TUT4: variants seen among roughly 807,000 people sequenced by gnomAD.
TUT4 encodes the protein terminal uridylyl transferase 4.
A neutral mutation model predicts 192.2 loss-of-function variants in TUT4; 36 were observed. That is an observed-to-expected ratio of 0.19 (90% CI 0.14 to 0.25). The LOEUF is 0.25. Among genes scored for constraint, TUT4 ranks in the 10% least tolerant of loss-of-function variants. The pLI, the probability that TUT4 is intolerant of heterozygous loss-of-function variation, is 1.00. For missense variants in TUT4, 1,493 were observed against 1,957.2 expected, an observed-to-expected ratio of 0.76 and a Z score of 4.47; for synonymous variants, 618 against 666.0, an observed-to-expected ratio of 0.93 and a Z score of 1.11.
At chr1:52,476,822 A>G (rs564575453) in intron 12 of TUT4, among the ~76,000 whole-genome samples, 1 of 152,328 alleles carries the variant, frequency 6.6e-6, no homozygotes, top group South Asian at 2.1e-4. Context: ...AGGGAATGGA[A>G]TAATATGTAG....
rs1233532461 is a variant in TUT4, at chr1:52,427,646, TA to T, written c.4712-2140del. ...TATCCTCTGATCTTAGAAATCTAAT[TA>T]AGTTACCATATTCTGGCATTTTTGC... On this transcript the variant is annotated intron_variant, in intron 28 of 29. Coordinates refer to ENST00000257177, the MANE Select transcript of TUT4 (RefSeq NM_001009881.3). 4.6e-5 allele frequency among the ~76,000 whole-genome samples: 7 copies of T among 152,342 alleles called. No individual in the cohort carries two copies. The East Asian group carries it at 1.2e-3, about 25-fold the overall frequency.
At chr1:52,502,980 T>C (rs891593764) in intron 4 of TUT4, among the ~76,000 whole-genome samples, 1 of 152,152 alleles carries the variant, frequency 6.6e-6, no homozygotes, top group Non-Finnish European at 1.5e-5. Context: ...ATTTATTGAG[T>C]ACCCACTATG....
rs1669942511 is a variant in TUT4 at position 52,486,951 on chromosome 1, C to A, written c.1515+1958G>T. ...AGAACAATGTCTGGGAGAAAACTGA[C>A]ATGACTTTATGACCACAAAAAAAAT... On this transcript the variant is annotated intron_variant, in intron 9 of 29. Transcript: ENST00000257177. Among the ~76,000 whole-genome samples, 4 of 152,292 alleles carry A rather than the reference C, an allele frequency of 2.6e-5. No homozygotes were observed. In the South Asian group the frequency reaches 8.3e-4, roughly 32 times the overall value.
intron 16 of TUT4, chr1:52,462,935 G>C: frequency 1.0e-6 from 1 of 985,290 alleles, no homozygotes; most frequent in Middle Eastern, 5.2e-4. Context: ...TTTCCAACAT[G>C]TTCTTTTTAG....
Position 52,525,756 on chromosome 1 carries a change from T to C in TUT4, c.525A>G (p.Thr175=). 6.2e-7 allele frequency: 1 copy of C among 1,614,230 alleles called. No individual in the cohort carries two copies. Among genetic ancestry groups the C allele is most frequent in the Middle Eastern group, 1.6e-4 (1 of 6,062 alleles). The change falls in exon 2 of 30, where the codon ACA becomes ACG. Residue 175 remains threonine (T), a synonymous_variant. Coordinates refer to ENST00000257177, the MANE Select transcript of TUT4 (RefSeq NM_001009881.3). The part of the protein sequence containing the change: ...SLLLKDMRQK[T]ELQQIGKKIP... The stretch of plus-strand genomic sequence containing the variant: ...TTTTTTTTCCAATCTGTTGTAATTC[T>C]GTCTTCTGTCTCATGTCTTTCAACA...
intron 4 of TUT4, among the ~76,000 whole-genome samples, chr1:52,497,786 GCTACA>G (rs1419177184): frequency 2.0e-5 from 3 of 152,066 alleles, no homozygotes; most frequent in African/African-American, 7.2e-5. Flanking sequence ...AATTACAAAA[GCTACA>G]TAAAACACAG....
intron 19 of TUT4, among the ~76,000 whole-genome samples, chr1:52,459,154 C>T (rs182686941): frequency 0.011 from 1,602 of 152,030 alleles, 21 homozygotes; most frequent in African/African-American, 0.036. Context: ...GGTGTGGTGG[C>T]GGGCGCCTGT....
At chr1:52,510,831 A>G (rs1210699781) in intron 3 of TUT4, among the ~76,000 whole-genome samples, 2 of 152,242 alleles carry the variant, frequency 1.3e-5, no homozygotes, top group Non-Finnish European at 2.9e-5. Context: ...AGCAAGTATT[A>G]AGTGGAAGAC....
At chr1:52,527,068 T>C (rs1385777184) in intron 1 of TUT4, among the ~76,000 whole-genome samples, 1 of 152,064 alleles carries the variant, frequency 6.6e-6, no homozygotes, top group Non-Finnish European at 1.5e-5. Context: ...TATAAATGAA[T>C]CCGTTTATGG....
At chr1:52,471,911 A>C in intron 14 of TUT4, 41 bp downstream of exon 14, 1 of 1,544,858 alleles carries the variant, frequency 6.5e-7, no homozygotes, top group East Asian at 2.3e-5. Flanking sequence ...AATATCTAAG[A>C]AGGAATCTAG....
intron 1 of TUT4, among the ~76,000 whole-genome samples, chr1:52,530,946 T>C (rs1427168000): frequency 1.3e-5 from 2 of 152,134 alleles, no homozygotes; most frequent in African/African-American, 2.4e-5. Context: ...GAGGTTGCAG[T>C]GACCTGAGAT....
chr1:52,551,363 G>A (rs1241937393), intron 1 of TUT4, among the ~76,000 whole-genome samples: 1 of 152,010 alleles, frequency 6.6e-6, no homozygotes, highest in East Asian at 1.9e-4. Flanking sequence ...CTAGCCAAGT[G>A]AAAAACTGCA....
In TUT4 at chr1:52,431,227, G is replaced by A. The variant is rs780604321; in HGVS notation, c.4497C>T (p.Leu1499=). 6.2e-7 allele frequency: 1 copy of A among 1,614,224 alleles called. No individual in the cohort carries two copies. Among genetic ancestry groups the A allele is most frequent in the East Asian group, 2.2e-5 (1 of 44,880 alleles). ...TGGGCCAGGACGGGGCAGGGATCTG[G>A]AGAGGGTGCATTGGCAACAATCCCA... The part of the protein sequence containing the change: ...HNMGLLPMHP[L]QIPAPSWPIH... Residue 1499 remains leucine (L), a synonymous_variant, in exon 28 of 30, where the codon CTC becomes CTT. Transcript: ENST00000257177.
At chr1:52,511,135 C>A (rs1055262492) in intron 3 of TUT4, among the ~76,000 whole-genome samples, 1 of 152,142 alleles carries the variant, frequency 6.6e-6, no homozygotes, top group Non-Finnish European at 1.5e-5. Context: ...ATAAATATAG[C>A]CATCCCTTAT....
At position 52,436,983 on chromosome 1, in the gene TUT4, T is replaced by C. The variant is rs374115184; in HGVS notation, c.3939-5A>G. 69 of 1,612,888 alleles carry C rather than the reference T, an allele frequency of 4.3e-5. No individual in the cohort carries two copies. The highest frequency in any genetic ancestry group is 5.7e-5 in the Non-Finnish European group (67 of 1,179,704). Reference sequence around the variant, plus strand: ...TTTAGTCTAAACAGTAAACTGCTGATACCAATAATGTGGGGCTAGGGACTT... The same window carrying C: ...TTTAGTCTAAACAGTAAACTGCTGACACCAATAATGTGGGGCTAGGGACTT... On this transcript the variant is annotated splice_polypyrimidine_tract_variant and splice_region_variant and intron_variant, in intron 25 of 29. Coordinates refer to ENST00000257177, the MANE Select transcript of TUT4 (RefSeq NM_001009881.3).
intron 1 of TUT4, among the ~76,000 whole-genome samples, chr1:52,548,468 G>C (rs1688633012): frequency 6.6e-6 from 1 of 152,112 alleles, no homozygotes; most frequent in Non-Finnish European, 1.5e-5. Context: ...GTACAACACA[G>C]TACAGTGGCA....
At chr1:52,438,899 G>A (rs1380822776) in intron 24 of TUT4, among the ~76,000 whole-genome samples, 4 of 151,884 alleles carry the variant, frequency 2.6e-5, no homozygotes, top group African/African-American at 4.8e-5. Context: ...GCAAAACCCC[G>A]TCTCTACTAA....
chr1:52,458,551 G>A (rs1316876371), intron 19 of TUT4, 102 bp from the exon 20 acceptor site: 1 of 748,176 alleles, frequency 1.3e-6, no homozygotes, highest in Non-Finnish European at 2.1e-6. Context: ...ACAGAACTGG[G>A]TTAAACTGAG....
chr1:52,547,981 A>G (rs1408248104), intron 1 of TUT4, among the ~76,000 whole-genome samples: 2 of 152,208 alleles, frequency 1.3e-5, no homozygotes, highest in Admixed American at 6.5e-5. Flanking sequence ...ATCTTTTAAA[A>G]GTGTGAATTT....
Sources: allele counts gnomAD v4.1 joint callset (sites outside exome capture counted in the v4.1 genomes callset), GRCh38; gene constraint gnomAD v4.1.1; transcripts MANE v1.5; gene names NCBI Gene and HGNC (gene_info 2026-07-23, HGNC 2026-07-21).